The following ESRRB variants were observed in gnomAD, a reference collection of about 807,000 sequenced individuals.
ESRRB encodes estrogen related receptor beta, also known as steroid hormone receptor ERR2.
A neutral mutation model predicts 46.0 loss-of-function variants in ESRRB; 16 were observed. The observed-to-expected ratio is 0.35, with a 90% CI of 0.24 to 0.53. ESRRB has a LOEUF of 0.53. Among genes scored for constraint, ESRRB ranks in the 20% least tolerant of loss-of-function variants. ESRRB has a pLI of 0.93. For synonymous variants in ESRRB, 246 were observed against 259.6 expected, an observed-to-expected ratio of 0.95 and a Z score of 0.50; for missense variants, 488 against 607.4, an observed-to-expected ratio of 0.80 and a Z score of 2.07.
At chr14:76,453,457 A>G (rs1010349625) in intron 2 of ESRRB, among the ~76,000 whole-genome samples, 1 of 152,218 alleles carries the variant, frequency 6.6e-6, no homozygotes, top group Admixed American at 6.5e-5. Context: ...TGAAAAAAAC[A>G]TGAAAACAAT....
chr14:76,333,365 TTTA>T (rs373811087), intron 1 of ESRRB, among the ~76,000 whole-genome samples: 1 of 2,518 alleles, frequency 4.0e-4, no homozygotes, highest in Non-Finnish European at 5.8e-4. Flanking sequence ...TATTATATAT[TTTA>T]TATATATGAT....
chr14:76,345,097 T>C (rs1438276853), intron 1 of ESRRB, among the ~76,000 whole-genome samples: 18 of 152,210 alleles, frequency 1.2e-4, no homozygotes, highest in Admixed American at 1.2e-3. Flanking sequence ...TTCTAGCGGA[T>C]ACTTTGGAAA....
Position 76,460,030 on chromosome 14 carries a change from C to G in ESRRB, c.461-2515C>G, listed in dbSNP as rs147469290. Among the ~76,000 whole-genome samples, 6 of 152,280 alleles carry G rather than the reference C, an allele frequency of 3.9e-5. No homozygotes were observed. In the East Asian group the frequency reaches 1.2e-3, roughly 29 times the overall value. On this transcript the variant is annotated intron_variant, in intron 2 of 6. Transcript: ENST00000644823. ...AAAAGGGATGAGAATACTCTCTGAGCCTTTGTGAGTACTCAATACAGTTAG... is the reference window on the plus strand; with the variant it reads ...AAAAGGGATGAGAATACTCTCTGAGGCTTTGTGAGTACTCAATACAGTTAG...
intron 1 of ESRRB, among the ~76,000 whole-genome samples, chr14:76,424,455 G>A (rs1387836728): frequency 6.6e-6 from 1 of 152,100 alleles, no homozygotes; most frequent in African/African-American, 2.4e-5. Flanking sequence ...ATGTAGAAAG[G>A]GCCATGGCCA....
chr14:76,328,287 T>C (rs72729696), intron 1 of ESRRB, among the ~76,000 whole-genome samples: 9,987 of 152,248 alleles, frequency 0.066, 471 homozygotes, highest in Admixed American at 0.089. Context: ...CTCTACTGTG[T>C]GTTTTAGAAA....
chr14:76,393,269 C>T (rs113044882), intron 1 of ESRRB, among the ~76,000 whole-genome samples: 8 of 152,204 alleles, frequency 5.3e-5, no homozygotes, highest in African/African-American at 1.9e-4. Context: ...CCCTAGAGAC[C>T]TATTGCCTGG....
chr14:76,316,208 G>A (rs747088690), intron 1 of ESRRB, among the ~76,000 whole-genome samples: 2 of 152,180 alleles, frequency 1.3e-5, no homozygotes, highest in South Asian at 2.1e-4. Flanking sequence ...GTGTCCTCTC[G>A]TGGGATGTCT....
At chr14:76,389,309 A>G (rs909923539) in intron 1 of ESRRB, among the ~76,000 whole-genome samples, 2 of 151,982 alleles carry the variant, frequency 1.3e-5, no homozygotes, top group African/African-American at 4.8e-5. Flanking sequence ...CATGCCCCTG[A>G]CTGGTTTACA....
chr14:76,464,982 T>C (rs1238946939), intron 3 of ESRRB, among the ~76,000 whole-genome samples: 1 of 152,132 alleles, frequency 6.6e-6, no homozygotes, highest in Non-Finnish European at 1.5e-5. Context: ...CTTGACCTGT[T>C]GTTCTCACAT....
At chr14:76,427,277 G>T (rs1211954256) in intron 1 of ESRRB, among the ~76,000 whole-genome samples, 2 of 152,052 alleles carry the variant, frequency 1.3e-5, no homozygotes, top group Non-Finnish European at 1.5e-5. Flanking sequence ...GGGTCAATAA[G>T]CTGAGCCAGG....
chr14:76,467,301 GA>G (rs1358933595), intron 3 of ESRRB, among the ~76,000 whole-genome samples: 1 of 151,738 alleles, frequency 6.6e-6, no homozygotes, highest in Non-Finnish European at 1.5e-5. Context: ...AGGAGTTCGA[GA>G]CCAGCCTGGC....
intron 1 of ESRRB, among the ~76,000 whole-genome samples, chr14:76,327,130 T>G (rs565161813): frequency 2.0e-5 from 3 of 152,328 alleles, no homozygotes; most frequent in Non-Finnish European, 4.4e-5. Context: ...GCAGCTCACA[T>G]TGCCCAGCCT....
chr14:76,398,740 CA>C (rs1281351108), intron 1 of ESRRB, among the ~76,000 whole-genome samples: 3 of 152,184 alleles, frequency 2.0e-5, no homozygotes, highest in African/African-American at 7.2e-5. Context: ...ATCCTTGTGA[CA>C]ACCCTGTGAG....
rs1282962315 is a variant in ESRRB at position 76,500,587 on chromosome 14, T to C, written c.*2129T>C. ...TCAGTCTCTCACTGTGCTGTGTCCT[T>C]GCAGCGGGGCCGAGGTAGCACCCTG... On this transcript the variant is annotated 3_prime_UTR_variant, in exon 7 of 7. Coordinates refer to ENST00000644823, the MANE Select transcript of ESRRB (RefSeq NM_001379180.1). The C allele has an allele frequency of 1.3e-5, 14 of 1,096,608 alleles. No individual in the cohort carries two copies. The highest frequency in any genetic ancestry group is 2.0e-5 in the Non-Finnish European group (14 of 714,708). 67.9% of individuals were successfully genotyped at this position (1,096,608 alleles called of 1,614,324 possible).
intron 2 of ESRRB, among the ~76,000 whole-genome samples, chr14:76,457,981 T>C (rs1197785990): frequency 6.6e-6 from 1 of 152,144 alleles, no homozygotes; most frequent in Non-Finnish European, 1.5e-5. Context: ...GGCCTGAATC[T>C]GGGGAACTTT....
intron 1 of ESRRB, among the ~76,000 whole-genome samples, chr14:76,317,146 G>A (rs971049454): frequency 6.8e-5 from 9 of 131,414 alleles, no homozygotes; most frequent in African/African-American, 1.5e-4. Flanking sequence ...TTCTGCTCTC[G>A]TTTGGAAGAC....
chr14:76,330,866 C>G (rs1884005236), intron 1 of ESRRB, among the ~76,000 whole-genome samples: 1 of 152,104 alleles, frequency 6.6e-6, no homozygotes, highest in Admixed American at 6.6e-5. Flanking sequence ...CAGGGTGGGG[C>G]TGGCCACGGA....
chr14:76,498,119 C>T, intron 6 of ESRRB, 95 bp from the exon 7 acceptor site: 3 of 1,438,826 alleles, frequency 2.1e-6, no homozygotes, highest in Non-Finnish European at 2.0e-6. Context: ...GATACCCCTG[C>T]CTGCCTCCAT....
intron 1 of ESRRB, among the ~76,000 whole-genome samples, chr14:76,317,179 T>TCCTCA (rs1883811115): frequency 6.6e-6 from 1 of 152,134 alleles, no homozygotes; most frequent in Non-Finnish European, 1.5e-5. Flanking sequence ...CTCAGGCTGC[T>TCCTCA]GAGGGTTAAA....
Sources: allele counts gnomAD v4.1 joint callset (sites outside exome capture counted in the v4.1 genomes callset), GRCh38; gene constraint gnomAD v4.1.1; transcripts MANE v1.5; gene names NCBI Gene and HGNC (gene_info 2026-07-23, HGNC 2026-07-21).